Variants in EZH2 observed in about 807,000 individuals in gnomAD.
EZH2 encodes histone-lysine N-methyltransferase EZH2.
A neutral mutation model predicts 98.4 loss-of-function variants in EZH2; 18 were observed. The ratio of observed to expected loss-of-function variants is 0.18; its 90% confidence interval spans 0.13 to 0.27. The LOEUF is 0.27. Among genes scored for constraint, EZH2 ranks in the 10% least tolerant of loss-of-function variants. The pLI is 1.00. For missense variants in EZH2, 470 were observed against 935.1 expected (o/e 0.50, Z 6.49); for synonymous variants, 338 against 312.3 (o/e 1.08, Z -0.87).
chr7:148,863,737 C>T (rs1219426014), intron 1 of EZH2, among the ~76,000 whole-genome samples: 1 of 152,178 alleles, frequency 6.6e-6, no homozygotes, highest in African/African-American at 2.4e-5. Flanking sequence ...AAATAGTCCA[C>T]TCAACTGACC....
intron 1 of EZH2, among the ~76,000 whole-genome samples, chr7:148,874,123 T>C (rs1400981287): frequency 1.4e-5 from 2 of 146,846 alleles, no homozygotes; most frequent in Non-Finnish European, 3.0e-5. Flanking sequence ...CAGCGGCTCA[T>C]GCCTGTAATC....
chr7:148,820,929 AAG>A (rs1805880912), intron 8 of EZH2: 1 of 152,142 alleles, frequency 6.6e-6, no homozygotes, highest in African/African-American at 2.4e-5. Flanking sequence ...ACTCATCCAG[AAG>A]AGACAGAACA....
intron 3 of EZH2, among the ~76,000 whole-genome samples, chr7:148,838,377 A>T (rs1294235134): frequency 6.6e-6 from 1 of 152,138 alleles, no homozygotes; most frequent in Non-Finnish European, 1.5e-5. Flanking sequence ...AAACCTACTT[A>T]ATCCTAGGTT....
intron 3 of EZH2, among the ~76,000 whole-genome samples, chr7:148,833,461 AAAAAAAAAATAAAAT>A (rs1176128739): frequency 2.0e-5 from 3 of 146,888 alleles, no homozygotes; most frequent in African/African-American, 4.9e-5. Flanking sequence ...CGTCTCAAAA[AAAAAAAAAATAAAAT>A]AAAATAAAAT....
intron 1 of EZH2, among the ~76,000 whole-genome samples, chr7:148,869,551 T>C (rs1470602832): frequency 6.6e-6 from 1 of 152,060 alleles, no homozygotes; most frequent in African/African-American, 2.4e-5. Context: ...TTGTCCAGGC[T>C]GGTCTTGAAC....
chr7:148,873,981 C>G (rs904940358), intron 1 of EZH2, among the ~76,000 whole-genome samples: 29 of 152,022 alleles, frequency 1.9e-4, no homozygotes, highest in African/African-American at 7.0e-4. Flanking sequence ...TGTTGAGATG[C>G]TAAAATAAGG....
intron 6 of EZH2, among the ~76,000 whole-genome samples, chr7:148,827,777 T>A (rs1808143558): frequency 6.6e-6 from 1 of 152,210 alleles, no homozygotes; most frequent in Admixed American, 6.5e-5. Context: ...AATAGTGTAA[T>A]CTTATAAGTT....
At chr7:148,836,234 T>G (rs1265636022) in intron 3 of EZH2, among the ~76,000 whole-genome samples, 1 of 152,184 alleles carries the variant, frequency 6.6e-6, no homozygotes, top group Non-Finnish European at 1.5e-5. Flanking sequence ...AGACTTCAAT[T>G]TCTGTTTCAA....
At chr7:148,860,393 G>T (rs1208207079) in intron 1 of EZH2, among the ~76,000 whole-genome samples, 1 of 151,938 alleles carries the variant, frequency 6.6e-6, no homozygotes, top group Non-Finnish European at 1.5e-5. Context: ...TAAAAATCGA[G>T]ATGCAATCAT....
intron 1 of EZH2, among the ~76,000 whole-genome samples, chr7:148,882,645 C>A (rs1821176938): frequency 6.6e-6 from 1 of 152,106 alleles, no homozygotes; most frequent in African/African-American, 2.4e-5. Context: ...ACTCCAAAAC[C>A]CCTAAAAGTA....
chr7:148,838,565 A>T (rs1228009509), intron 3 of EZH2, among the ~76,000 whole-genome samples: 6 of 152,222 alleles, frequency 3.9e-5, no homozygotes, highest in African/African-American at 1.4e-4. Context: ...TGTAAATTCA[A>T]ATTTCTAATT....
intron 1 of EZH2, among the ~76,000 whole-genome samples, chr7:148,863,774 T>C (rs1416344324): frequency 6.6e-6 from 1 of 152,224 alleles, no homozygotes; most frequent in Non-Finnish European, 1.5e-5. Context: ...AAACTTCTGT[T>C]GAAGGACTTG....
chr7:148,850,243 C>T (rs1815357562), intron 1 of EZH2, among the ~76,000 whole-genome samples: 1 of 152,172 alleles, frequency 6.6e-6, no homozygotes, highest in Admixed American at 6.5e-5. Context: ...TGGTCTCAAT[C>T]TCCTGACCTT....
At chr7:148,861,911 A>G (rs1162110427) in intron 1 of EZH2, among the ~76,000 whole-genome samples, 1 of 152,190 alleles carries the variant, frequency 6.6e-6, no homozygotes, top group Non-Finnish European at 1.5e-5. Flanking sequence ...TCTGCATTCA[A>G]TCTGTTCCAA....
chr7:148,839,018 C>T (rs1313561948), intron 3 of EZH2, among the ~76,000 whole-genome samples: 1 of 141,030 alleles, frequency 7.1e-6, no homozygotes, highest in African/African-American at 2.8e-5. Flanking sequence ...CGCCACTGCA[C>T]TCCAGCATGG....
Position 148,874,852 on chromosome 7 carries a change from G to A in EZH2, c.-8+9312C>T, listed in dbSNP as rs60094022. ...GCAGAGCTTGCAGTGAGCCGAGATC[G>A]CGCCACCGCACTCCAGCCTGGGGGA... On this transcript the variant is annotated intron_variant, in intron 1 of 19. Coordinates refer to ENST00000320356, the MANE Select transcript of EZH2 (RefSeq NM_004456.5). 1.2e-3 allele frequency among the ~76,000 whole-genome samples: 179 copies of A among 150,170 alleles called. 2 individuals are homozygous for A. The highest frequency in any genetic ancestry group is 4.3e-3 in the African/African-American group (174 of 40,752).
At chr7:148,842,724 C>G (rs1812774893) in intron 3 of EZH2, among the ~76,000 whole-genome samples, 1 of 151,710 alleles carries the variant, frequency 6.6e-6, no homozygotes, top group South Asian at 2.1e-4. Flanking sequence ...TGCTTAGGTT[C>G]TATAATCTCA....
intron 4 of EZH2, 114 bp downstream of exon 4, chr7:148,832,520 G>C: frequency 1.6e-6 from 1 of 632,300 alleles, no homozygotes; most frequent in Non-Finnish European, 2.7e-6. Flanking sequence ...GTGTTATTTT[G>C]ATAGCTTTTT....
chr7:148,815,674 C>T, intron 12 of EZH2, 128 bp from the exon 13 acceptor site: 1 of 805,676 alleles, frequency 1.2e-6, no homozygotes. Context: ...TCATGCCCTG[C>T]CCAGTTTATA....
Sources: gnomAD v4.1 joint callset for allele counts (sites outside exome capture counted in the v4.1 genomes callset) on GRCh38, gnomAD v4.1.1 for gene constraint, MANE v1.5 for transcripts, NCBI Gene and HGNC (gene_info 2026-07-23, HGNC 2026-07-21) for gene names.